Variants in CABIN1 observed in about 807,000 individuals in gnomAD.
The protein encoded by CABIN1 is calcineurin-binding protein cabin-1.
A neutral mutation model predicts 227.7 loss-of-function variants in CABIN1; 133 were observed. The ratio of observed to expected loss-of-function variants is 0.58; its 90% confidence interval spans 0.51 to 0.67. The LOEUF is 0.67. Ranked by LOEUF, CABIN1 falls within the 30% of genes least tolerant of loss-of-function variation. The probability of loss-of-function intolerance (pLI) is 0.00; values close to 1 mark genes in which losing one functional copy is unlikely to be tolerated. For synonymous variants in CABIN1, 1,086 were observed against 1,155.1 expected, an observed-to-expected ratio of 0.94 and a Z score of 1.21; for missense variants, 2,408 against 2,852.5, an observed-to-expected ratio of 0.84 and a Z score of 3.55.
chr22:24,124,984 G>T (rs1191268774), intron 28 of CABIN1, among the ~76,000 whole-genome samples: 5 of 152,164 alleles, frequency 3.3e-5, no homozygotes. Flanking sequence ...AAACAGTATG[G>T]AATATTAGCC....
intron 26 of CABIN1, among the ~76,000 whole-genome samples, chr22:24,108,130 G>A (rs543509576): frequency 1.3e-5 from 2 of 152,354 alleles, no homozygotes; most frequent in African/African-American, 4.8e-5. Context: ...AGGGACAGAG[G>A]TAGGAAGACA....
At chr22:24,148,079 G>A (rs774660830) in intron 29 of CABIN1, among the ~76,000 whole-genome samples, 4 of 152,186 alleles carry the variant, frequency 2.6e-5, no homozygotes, top group Admixed American at 2.6e-4. Flanking sequence ...AAAGGAGGAG[G>A]GGGTTGCTGT....
At position 24,038,542 on chromosome 22, in the gene CABIN1, T is replaced by C. The variant is rs1300076399; in HGVS notation, c.210+81T>C. 4 of 947,578 alleles carry C rather than the reference T, an allele frequency of 4.2e-6. No individual in the cohort carries two copies. The East Asian group carries it at 9.6e-5, about 23-fold the overall frequency. 58.7% of individuals were successfully genotyped at this position (947,578 alleles called of 1,614,324 possible). ...GGCTGGGTACTCTGGGCCTTACCTC[T>C]GCTCTCCCATTTCTTGGCTGGGGAA... On this transcript the variant is annotated intron_variant, in intron 4 of 36. Transcript: ENST00000263119.
chr22:24,032,501 C>T (rs2036567008), intron 1 of CABIN1, among the ~76,000 whole-genome samples: 2 of 152,270 alleles, frequency 1.3e-5, no homozygotes, highest in Admixed American at 1.3e-4. Context: ...TGTATATAGC[C>T]AGATGTGGAA....
At chr22:24,094,841 A>C (rs919365961) in intron 24 of CABIN1, among the ~76,000 whole-genome samples, 1 of 143,670 alleles carries the variant, frequency 7.0e-6, no homozygotes, top group Non-Finnish European at 1.5e-5. Context: ...AAAAAAAAAA[A>C]AAAAGAAACA....
chr22:24,127,519 A>G (rs1456621129), intron 28 of CABIN1, among the ~76,000 whole-genome samples: 1 of 152,234 alleles, frequency 6.6e-6, no homozygotes, highest in Non-Finnish European at 1.5e-5. Context: ...GAAGAGCTGA[A>G]TCAATGGATC....
At chr22:24,033,600 T>A (rs558320626) in intron 1 of CABIN1, among the ~76,000 whole-genome samples, 4 of 152,278 alleles carry the variant, frequency 2.6e-5, no homozygotes, top group African/African-American at 9.6e-5. Context: ...CCTCCTGCCC[T>A]CCCTGACGTA....
At chr22:24,025,289 T>C (rs2035999758) in intron 1 of CABIN1, among the ~76,000 whole-genome samples, 1 of 152,028 alleles carries the variant, frequency 6.6e-6, no homozygotes, top group Admixed American at 6.5e-5. Flanking sequence ...ATTTCTTTGG[T>C]CAGCCAGTGA....
intron 32 of CABIN1, 152 bp from the exon 33 acceptor site, chr22:24,168,295 G>A (rs1434746209): frequency 9.7e-6 from 7 of 724,158 alleles, no homozygotes; most frequent in Non-Finnish European, 1.7e-5. Context: ...GGGGACGGCT[G>A]GCTATTCAGC....
At position 24,087,353 on chromosome 22, in the gene CABIN1, G is replaced by T. The variant is rs989872718; in HGVS notation, c.3264-99G>T. 2.6e-5 allele frequency: 39 copies of T among 1,511,124 alleles called. No individual in the cohort carries two copies. The Admixed American group carries it at 6.8e-4, about 26-fold the overall frequency. The allele number at this position is 1,511,124 out of a possible 1,614,324, so 93.6% of individuals were successfully genotyped here. A position where few individuals can be genotyped will look rare whatever the true frequency, so the allele number is the denominator to read the frequency against. On this transcript the variant is annotated intron_variant, in intron 22 of 36. Transcript: ENST00000263119. ...CTCTGAGCCCTGGTGTGGGAAGGGA[G>T]TTTCCATGGGGTCCATCTGCCTGTC...
chr22:24,042,772 C>T, intron 5 of CABIN1, 132 bp from the exon 6 acceptor site: 1 of 815,188 alleles, frequency 1.2e-6, no homozygotes, highest in African/African-American at 1.8e-5. Flanking sequence ...TGTGCCAGTG[C>T]CGTGCTCCTC....
At chr22:24,025,124 T>C (rs2035988888) in intron 1 of CABIN1, among the ~76,000 whole-genome samples, 1 of 152,220 alleles carries the variant, frequency 6.6e-6, no homozygotes, top group African/African-American at 2.4e-5. Flanking sequence ...TGTTTAGAAT[T>C]GTACATTCTA....
At chr22:24,156,352 G>A (rs1033381966) in intron 29 of CABIN1, among the ~76,000 whole-genome samples, 6 of 152,024 alleles carry the variant, frequency 3.9e-5, no homozygotes, top group African/African-American at 9.7e-5. Context: ...GCTGGCACCC[G>A]GTTCAGCGTC....
intron 8 of CABIN1, 73 bp downstream of exon 8, chr22:24,051,047 G>A (rs1601795272): frequency 1.9e-6 from 3 of 1,591,778 alleles, no homozygotes; most frequent in East Asian, 4.5e-5. Flanking sequence ...CCCTGCACAG[G>A]AGGGAGAGAC....
intron 29 of CABIN1, among the ~76,000 whole-genome samples, chr22:24,136,524 A>ATTTTTTTTTTTTT (rs145864566): frequency 0.01 from 716 of 69,822 alleles, 53 homozygotes; most frequent in East Asian, 0.03. Flanking sequence ...TAATTTTTGT[A>ATTTTTTTTTTTTT]TTTTTTTTTT....
intron 16 of CABIN1, 86 bp downstream of exon 16, chr22:24,067,267 T>C: frequency 1.5e-6 from 2 of 1,371,532 alleles, no homozygotes; most frequent in Non-Finnish European, 2.1e-6. Context: ...CTGCGGTAGT[T>C]CTTAAGAATG....
chr22:24,164,391 A>C lies in CABIN1; in HGVS notation c.4747-9A>C, dbSNP rs201956149. Reference sequence around the variant, plus strand: ...CCCCCCTCACACACCTGTGCCATCCATCCCACAGGGCATCTGGCGGATCCC... The same window carrying C: ...CCCCCCTCACACACCTGTGCCATCCCTCCCACAGGGCATCTGGCGGATCCC... On this transcript the variant is annotated splice_polypyrimidine_tract_variant and intron_variant, in intron 29 of 36. Transcript: ENST00000263119. 71 of 1,601,840 alleles carry C rather than the reference A, an allele frequency of 4.4e-5. No homozygotes were observed. The highest frequency in any genetic ancestry group is 5.8e-5 in the Non-Finnish European group (69 of 1,179,910).
chr22:24,040,519 C>A (rs1198075402), intron 4 of CABIN1, among the ~76,000 whole-genome samples: 1 of 152,200 alleles, frequency 6.6e-6, no homozygotes. Context: ...AATATAAGGT[C>A]ATTAAAGCTG....
rs1737689152 is a variant in CABIN1 at position 24,042,830 on chromosome 22, G to GTGTGTGTGTGTGTGTGTTTGCCCTCTGCT, written c.346-57_346-56insTTGCCCTCTGCTTGTGTGTGTGTGTGTGT. 42 of 600,628 alleles carry GTGTGTGTGTGTGTGTGTTTGCCCTCTGCT rather than the reference G, an allele frequency of 7.0e-5. No homozygotes were observed. In the African/African-American group the frequency reaches 7.6e-4, roughly 11 times the overall value. 37.2% of individuals were successfully genotyped at this position (600,628 alleles called of 1,614,324 possible). A position where few individuals can be genotyped will look rare whatever the true frequency, so the allele number is the denominator to read the frequency against. ...AGGAGAGATCTGACTGTGTGTGTGT[G>GTGTGTGTGTGTGTGTGTTTGCCCTCTGCT]TGTGTGTGTGTGTGTGTGTGTGTGT... On this transcript the variant is annotated intron_variant, in intron 5 of 36. Transcript: ENST00000263119.
Sources: allele counts gnomAD v4.1 joint callset (sites outside exome capture counted in the v4.1 genomes callset), GRCh38; gene constraint gnomAD v4.1.1; transcripts MANE v1.5; gene names NCBI Gene and HGNC (gene_info 2026-07-23, HGNC 2026-07-21).